The following DSG3 variants were observed in gnomAD, a reference collection of about 807,000 sequenced individuals.
The protein encoded by DSG3 is desmoglein-3.
A neutral mutation model predicts 85.9 loss-of-function variants in DSG3; 63 were observed. The observed-to-expected ratio is 0.73, with a 90% CI of 0.60 to 0.90. The LOEUF (loss-of-function observed/expected upper bound fraction) is 0.90. Ranked by LOEUF, DSG3 falls within the 40% of genes least tolerant of loss-of-function variation. The pLI is 0.00. For missense variants in DSG3, 1,220 were observed against 1,219.9 expected (o/e 1.00, Z 0.00); for synonymous variants, 447 against 441.9 (o/e 1.01, Z -0.14).
intron 1 of DSG3, 28 bp downstream of exon 1, chr18:31,447,953 C>T: frequency 1.3e-6 from 2 of 1,521,630 alleles, no homozygotes; most frequent in Non-Finnish European, 1.8e-6. Context: ...CTAATAATCA[C>T]AAACTTCCCT....
At chr18:31,459,795 T>C in intron 5 of DSG3, 50 bp from the exon 6 acceptor site, 1 of 1,494,064 alleles carries the variant, frequency 6.7e-7, no homozygotes, top group East Asian at 2.3e-5. Context: ...AAAGTAAACA[T>C]AATGTTAATT....
chr18:31,453,796 A>C (rs1202753668), intron 1 of DSG3, among the ~76,000 whole-genome samples: 1 of 152,082 alleles, frequency 6.6e-6, no homozygotes, highest in Non-Finnish European at 1.5e-5. Context: ...ACCAAAAGAG[A>C]CAACTTAGTT....
In DSG3 at chr18:31,459,277, T is replaced by C. The variant is rs2072768831; in HGVS notation, c.517+100T>C. 2.1e-5 allele frequency: 24 copies of C among 1,167,288 alleles called. No homozygotes were observed. The South Asian group carries it at 3.7e-4, about 18-fold the overall frequency. The allele number at this position is 1,167,288 out of a possible 1,614,324, so 72.3% of individuals were successfully genotyped here. A position where few individuals can be genotyped will look rare whatever the true frequency, so the allele number is the denominator to read the frequency against. ...TTATAAACTAATTTATGCTCTTAGT[T>C]TAATCAGTAGTTTTGAAAAATAAAA... On this transcript the variant is annotated intron_variant, in intron 5 of 15. Coordinates refer to ENST00000257189, the MANE Select transcript of DSG3 (RefSeq NM_001944.3).
At position 31,471,606 on chromosome 18, in the gene DSG3, AG is replaced by A. The variant is rs573079025; in HGVS notation, c.1898-677del. 8.9e-4 allele frequency among the ~76,000 whole-genome samples: 136 copies of A among 152,326 alleles called. 1 individual carries two copies. The highest frequency in any genetic ancestry group is 3.2e-3 in the African/African-American group (134 of 41,572). On this transcript the variant is annotated intron_variant, in intron 12 of 15. Transcript: ENST00000257189. ...AAAGTGTGGGAAACACCTGCTTTCA[AG>A]AATAAGTATTTCACTCTTGGTCAGT...
rs1182491106 is a variant in DSG3 at position 31,476,337 on chromosome 18, C to T, written c.*77C>T. On this transcript the variant is annotated 3_prime_UTR_variant, in exon 16 of 16. Coordinates refer to ENST00000257189, the MANE Select transcript of DSG3 (RefSeq NM_001944.3). ...GTATTCAAAATAGCATAGCAAAGCT[C>T]ACTGTATTGGGCTAATAATTTGGCA... 1.7e-5 allele frequency: 25 copies of T among 1,505,078 alleles called. No homozygotes were observed. Among genetic ancestry groups the T allele is most frequent in the Non-Finnish European group, 2.1e-5 (24 of 1,120,450 alleles). 93.2% of individuals were successfully genotyped at this position (1,505,078 alleles called of 1,614,324 possible). A position where few individuals can be genotyped will look rare whatever the true frequency, so the allele number is the denominator to read the frequency against.
At chr18:31,472,858 C>T in intron 14 of DSG3, 70 bp downstream of exon 14, 1 of 1,373,262 alleles carries the variant, frequency 7.3e-7, no homozygotes. Context: ...AAGAAGTGTT[C>T]AAACTATCTT....
chr18:31,454,090 T>C (rs1387710873), intron 1 of DSG3, among the ~76,000 whole-genome samples: 2 of 152,202 alleles, frequency 1.3e-5, no homozygotes, highest in Non-Finnish European at 2.9e-5. Flanking sequence ...TCTAAAAATC[T>C]GAAGATCATT....
chr18:31,475,629 C>T lies in DSG3; in HGVS notation c.2386-17C>T. The T allele has an allele frequency of 6.3e-7, 1 of 1,599,302 alleles. No homozygotes were observed. Among genetic ancestry groups the T allele is most frequent in the Non-Finnish European group, 8.5e-7 (1 of 1,174,560 alleles). On this transcript the variant is annotated splice_polypyrimidine_tract_variant and intron_variant, in intron 15 of 15. Transcript: ENST00000257189. ...CTTTCTTAAAATTCATTTTTTCCCA[C>T]TTTTTCTCTGTCTTAGAAAGCATTT...
At position 31,461,237 on chromosome 18, in the gene DSG3, G is replaced by T. The variant is rs777780575; in HGVS notation, c.824G>T (p.Arg275Leu). 1.2e-6 allele frequency: 2 copies of T among 1,612,488 alleles called. No individual in the cohort carries two copies. Among genetic ancestry groups the T allele is most frequent in the Non-Finnish European group, 1.7e-6 (2 of 1,179,274 alleles). ...PMFRDSQYSA[R>L]IEENILSSEL... ...TTCTCGCCTTTTCAGTATTCAGCAC[G>T]TATTGAAGAAAATATTTTAAGTTCT... The change falls in exon 8 of 16, where the codon CGT (arginine) becomes CTT (leucine). Residue 275 changes from arginine to leucine, a missense_variant. Transcript: ENST00000257189.
chr18:31,456,594 A>G, intron 2 of DSG3, 119 bp downstream of exon 2: 1 of 485,634 alleles, frequency 2.1e-6, no homozygotes, highest in Non-Finnish European at 3.3e-6. Flanking sequence ...TTAATTGTGA[A>G]AATATATAAA....
chr18:31,452,063 G>T (rs940047293), intron 1 of DSG3, among the ~76,000 whole-genome samples: 3 of 152,170 alleles, frequency 2.0e-5, no homozygotes, highest in Admixed American at 2.0e-4. Flanking sequence ...TCCAGGAGGT[G>T]CATTCACATA....
intron 13 of DSG3, 113 bp downstream of exon 13, chr18:31,472,536 G>A: frequency 7.4e-7 from 1 of 1,347,568 alleles, no homozygotes; most frequent in Non-Finnish European, 1.0e-6. Flanking sequence ...TTCAGAGTCA[G>A]TGCTGAATAG....
intron 8 of DSG3, among the ~76,000 whole-genome samples, 186 bp from the exon 9 acceptor site, chr18:31,463,925 G>A (rs1302494540): frequency 1.3e-5 from 2 of 152,078 alleles, no homozygotes; most frequent in Admixed American, 1.3e-4. Flanking sequence ...ACCAAACTGA[G>A]GTCTCATGAG....
At chr18:31,469,815 A>G (rs540688583) in intron 12 of DSG3, among the ~76,000 whole-genome samples, 29 of 152,076 alleles carry the variant, frequency 1.9e-4, no homozygotes, top group Admixed American at 1.8e-3. Context: ...TGCTATTAAT[A>G]TTAATTAATT....
chr18:31,451,729 G>T (rs535856421), intron 1 of DSG3, among the ~76,000 whole-genome samples: 1 of 152,266 alleles, frequency 6.6e-6, no homozygotes, highest in South Asian at 2.1e-4. Context: ...GCCTACTTGG[G>T]CAGAAGTCAG....
chr18:31,476,376 C>A lies in DSG3; in HGVS notation c.*116C>A. 1 of 1,208,282 alleles carries A rather than the reference C, an allele frequency of 8.3e-7. No homozygotes were observed. Among genetic ancestry groups the A allele is most frequent in the Non-Finnish European group, 1.1e-6 (1 of 873,166 alleles). The allele number at this position is 1,208,282 out of a possible 1,614,324, so 74.8% of individuals were successfully genotyped here. The stretch of plus-strand genomic sequence containing the variant: ...AATAATTTGGCACTTATTAGCTTCT[C>A]TCATAAACTGATCACGATTATAAAT... On this transcript the variant is annotated 3_prime_UTR_variant, in exon 16 of 16. Transcript: ENST00000257189.
chr18:31,458,692 AG>A, intron 4 of DSG3, 92 bp downstream of exon 4: 4 of 1,387,400 alleles, frequency 2.9e-6, no homozygotes, highest in South Asian at 1.4e-5. Flanking sequence ...TTTAGAGGAG[AG>A]TTCAGTACAT....
chr18:31,451,677 T>C (rs1438441519), intron 1 of DSG3, among the ~76,000 whole-genome samples: 1 of 152,230 alleles, frequency 6.6e-6, no homozygotes, highest in African/African-American at 2.4e-5. Context: ...AAGTTAATAT[T>C]CTAAAATCAG....
chr18:31,458,678 T>A, intron 4 of DSG3, 78 bp downstream of exon 4: 1 of 1,500,188 alleles, frequency 6.7e-7, no homozygotes, highest in Non-Finnish European at 9.0e-7. Flanking sequence ...TTTCTACTGG[T>A]AAATTTAGAG....
Sources: allele counts gnomAD v4.1 joint callset (sites outside exome capture counted in the v4.1 genomes callset), GRCh38; gene constraint gnomAD v4.1.1; transcripts MANE v1.5; gene names NCBI Gene and HGNC (gene_info 2026-07-23, HGNC 2026-07-21).